Variants in MPRIP observed in about 807,000 individuals in gnomAD.
The protein encoded by MPRIP is myosin phosphatase Rho interacting protein.
Under a neutral mutation model 234.9 loss-of-function variants are expected in MPRIP, and 59 were observed. That is an observed-to-expected ratio of 0.25 (90% CI 0.20 to 0.31). The LOEUF is 0.31. Ranked by LOEUF, MPRIP falls within the 10% of genes least tolerant of loss-of-function variation. MPRIP has a pLI of 1.00. For missense variants in MPRIP, 2,436 were observed against 3,071.0 expected, an observed-to-expected ratio of 0.79 and a Z score of 4.89; for synonymous variants, 1,144 against 1,263.9, an observed-to-expected ratio of 0.91 and a Z score of 2.01.
intron 1 of MPRIP, among the ~76,000 whole-genome samples, chr17:17,058,293 G>A (rs555431529): frequency 6.6e-6 from 1 of 152,250 alleles, no homozygotes; most frequent in Admixed American, 6.5e-5. Context: ...AGGGGCCAGG[G>A]GGAGCAGGGA....
intron 1 of MPRIP, among the ~76,000 whole-genome samples, chr17:17,050,902 T>C (rs1380844040): frequency 6.6e-6 from 1 of 152,232 alleles, no homozygotes; most frequent in Admixed American, 6.5e-5. Flanking sequence ...ATTATGTAAT[T>C]GCACCCTAGC....
At chr17:17,155,997 C>T (rs1279008081) in intron 13 of MPRIP, among the ~76,000 whole-genome samples, 4 of 152,218 alleles carry the variant, frequency 2.6e-5, no homozygotes, top group African/African-American at 9.6e-5. Flanking sequence ...CTTCTTTGCC[C>T]AAGCTATTGG....
chr17:17,179,718 A>C, intron 22 of MPRIP: 1 of 306,450 alleles, frequency 3.3e-6, no homozygotes, highest in Non-Finnish European at 6.0e-6. Context: ...TGAGGGGACC[A>C]AGTCCCTTTG....
chr17:17,054,345 CAT>C (rs1265234665), intron 1 of MPRIP, among the ~76,000 whole-genome samples: 2 of 152,216 alleles, frequency 1.3e-5, no homozygotes, highest in Non-Finnish European at 2.9e-5. Flanking sequence ...AGTTTATTGT[CAT>C]GTGTTTGTGT....
chr17:17,124,560 C>T (rs762200645), intron 3 of MPRIP, among the ~76,000 whole-genome samples: 4 of 152,190 alleles, frequency 2.6e-5, no homozygotes, highest in Admixed American at 6.5e-5. Flanking sequence ...TTAGGAAAGC[C>T]CCTCTGCCTC....
Position 17,172,835 on chromosome 17 carries a change from C to G in MPRIP, c.6590+20C>G. ...GTACCTGTAAGTGGCTGGGCCTGCC[C>G]ATCTGCCCTTGGGAGGGCCCCTCTG... is the stretch of plus-strand genomic sequence containing the variant. On this transcript the variant is annotated intron_variant, in intron 18 of 23. Transcript: ENST00000651222. 6.2e-7 allele frequency: 1 copy of G among 1,602,348 alleles called. No homozygotes were observed. Among genetic ancestry groups the G allele is most frequent in the Non-Finnish European group, 8.5e-7 (1 of 1,172,140 alleles).
intron 15 of MPRIP, among the ~76,000 whole-genome samples, chr17:17,163,765 T>C (rs1239012408): frequency 3.9e-5 from 6 of 152,192 alleles, no homozygotes; most frequent in Non-Finnish European, 7.3e-5. Context: ...CTCCCGCCTG[T>C]CCCTCTTCCT....
chr17:17,083,310 C>G (rs1236398248), intron 3 of MPRIP, among the ~76,000 whole-genome samples: 1 of 152,174 alleles, frequency 6.6e-6, no homozygotes, highest in Non-Finnish European at 1.5e-5. Context: ...TGCCTGTGTA[C>G]TTGTGTATAA....
chr17:17,056,239 G>A (rs1404781716), intron 1 of MPRIP, among the ~76,000 whole-genome samples: 1 of 152,218 alleles, frequency 6.6e-6, no homozygotes, highest in Admixed American at 6.5e-5. Flanking sequence ...TGAATGGGAA[G>A]GACGGCTTTT....
Position 17,167,478 on chromosome 17 carries a change from G to A in MPRIP, c.5887G>A (p.Glu1963Lys), listed in dbSNP as rs1442976449. 30 of 1,304,164 alleles carry A rather than the reference G, an allele frequency of 2.3e-5. No individual in the cohort carries two copies. The highest frequency in any genetic ancestry group is 1.2e-4 in the African/African-American group (8 of 65,964). 80.8% of individuals were successfully genotyped at this position (1,304,164 alleles called of 1,614,324 possible). Residue 1963 changes from glutamate to lysine, a missense_variant, in exon 16 of 24, where the codon GAG becomes AAG. By Grantham distance (56) the Glu-to-Lys change is moderately conservative. Around this residue, in one of 4 missense-constraint regions of MPRIP, gnomAD observed 1,998 missense variants for 2,520.3 expected, o/e 0.79. Coordinates refer to ENST00000651222, the MANE Select transcript of MPRIP (RefSeq NM_001364716.4). The surrounding 1 kb of genome is among the most constrained non-coding windows in gnomAD (Gnocchi z 5.9). ...RCVVEQLTRT[E>K]STLQAERSRV... ...TGTGGTGGAGCAGCTGACCAGGACC[G>A]AGAGCACACTGCAGGCTGAGCGCAG...
intron 13 of MPRIP, among the ~76,000 whole-genome samples, chr17:17,154,730 C>T (rs750152630): frequency 6.6e-6 from 1 of 152,252 alleles, no homozygotes; most frequent in Non-Finnish European, 1.5e-5. Flanking sequence ...AGCCTGAGCC[C>T]CGCAGTCGGT....
intron 19 of MPRIP, among the ~76,000 whole-genome samples, chr17:17,174,687 T>C (rs1008430432): frequency 6.6e-6 from 1 of 152,026 alleles, no homozygotes; most frequent in Admixed American, 6.6e-5. Context: ...TACAAAAAAT[T>C]AGCTGGGTGT....
chr17:17,131,278 G>C (rs980089459), intron 4 of MPRIP, among the ~76,000 whole-genome samples: 2 of 152,202 alleles, frequency 1.3e-5, no homozygotes, highest in African/African-American at 4.8e-5. Flanking sequence ...GGCACAGCTC[G>C]TCTGTACTCT....
At chr17:17,142,949 C>T (rs1041007971) in intron 8 of MPRIP, among the ~76,000 whole-genome samples, 184 bp downstream of exon 8, 4 of 152,184 alleles carry the variant, frequency 2.6e-5, no homozygotes, top group Non-Finnish European at 5.9e-5. Flanking sequence ...ATATCAGAGC[C>T]TTCTCCGTCT....
Position 17,165,944 on chromosome 17 carries a change from G to T in MPRIP, c.4353G>T (p.Arg1451Ser). The change falls in exon 16 of 24, where the codon AGG becomes AGT. Residue 1451 changes from arginine to serine, a missense_variant. This residue lies in a region of MPRIP where 1,998 missense variants were observed against 2,520.3 expected (regional missense o/e 0.79). Transcript: ENST00000651222. ...GALASQLEQE[R>S]QERARRVEGH... is the part of the protein sequence containing the mutation. ...TGGCCTCCCAGCTGGAGCAGGAGAG[G>T]CAGGAGAGGGCCAGGAGGGTTGAAG... The T allele has an allele frequency of 1.5e-6, 2 of 1,304,306 alleles. No individual in the cohort carries two copies. The highest frequency in any genetic ancestry group is 2.0e-6 in the Non-Finnish European group (2 of 988,936). The allele number at this position is 1,304,306 out of a possible 1,614,324, so 80.8% of individuals were successfully genotyped here. A position where few individuals can be genotyped will look rare whatever the true frequency, so the allele number is the denominator to read the frequency against.
intron 3 of MPRIP, among the ~76,000 whole-genome samples, chr17:17,116,299 G>T (rs2090284603): frequency 6.6e-6 from 1 of 152,210 alleles, no homozygotes; most frequent in South Asian, 2.1e-4. Context: ...TCCAGGAGGG[G>T]AGATGTGCCA....
chr17:17,132,175 CTG>C (rs1329154679), intron 5 of MPRIP, among the ~76,000 whole-genome samples: 5 of 152,170 alleles, frequency 3.3e-5, no homozygotes, highest in Non-Finnish European at 7.4e-5. Context: ...GCGTGGCTGA[CTG>C]GGGTGGTCCC....
intron 3 of MPRIP, among the ~76,000 whole-genome samples, chr17:17,123,703 C>CAAA (rs371753802): frequency 1.4e-3 from 80 of 58,910 alleles, no homozygotes; most frequent in African/African-American, 2.8e-3. Flanking sequence ...GACTTCGTCT[C>CAAA]AAAAAAAAAA....
At chr17:17,095,723 C>G (rs573745177) in intron 3 of MPRIP, among the ~76,000 whole-genome samples, 1 of 152,140 alleles carries the variant, frequency 6.6e-6, no homozygotes, top group Non-Finnish European at 1.5e-5. Flanking sequence ...CAGAGCCAAG[C>G]CCTGGGATCT....
Sources: allele counts gnomAD v4.1 joint callset (sites outside exome capture counted in the v4.1 genomes callset), GRCh38; gene constraint gnomAD v4.1.1; regional missense constraint gnomAD v4.1.1; non-coding constraint Gnocchi (gnomAD v3.1); transcripts MANE v1.5; gene names NCBI Gene and HGNC (gene_info 2026-07-23, HGNC 2026-07-21).